Variants in ENO4 observed in about 807,000 individuals in gnomAD.
ENO4 encodes the protein enolase 4.
Under a neutral mutation model 63.2 loss-of-function variants are expected in ENO4, and 53 were observed. The ratio of observed to expected loss-of-function variants is 0.84; its 90% CI spans 0.67 to 1.05. The LOEUF is 1.05. Among genes scored for constraint, ENO4 ranks in the 50% least tolerant of loss-of-function variants. ENO4 has a pLI of 0.00. For missense variants in ENO4, 719 were observed against 772.0 expected (o/e 0.93, Z 0.81); for synonymous variants, 266 against 283.8 (o/e 0.94, Z 0.63).
intron 10 of ENO4, among the ~76,000 whole-genome samples, chr10:116,892,973 T>C (rs138272735): frequency 2.8e-4 from 42 of 152,346 alleles, no homozygotes; most frequent in African/African-American, 9.1e-4. Context: ...TTAAAAATCA[T>C]AGGTGCTTGC....
At chr10:116,902,002 G>T in intron 10 of ENO4, 1 of 1,482,964 alleles carries the variant, frequency 6.7e-7, no homozygotes, top group Non-Finnish European at 9.1e-7. Context: ...TCTGTATGAT[G>T]CTTATTAATA....
Position 116,859,037 on chromosome 10 carries a change from T to C in ENO4, c.533T>C (p.Leu178Ser), listed in dbSNP as rs759636926. 73 of 1,535,626 alleles carry C rather than the reference T, an allele frequency of 4.8e-5. No individual in the cohort carries two copies. Among genetic ancestry groups the C allele is most frequent in the Non-Finnish European group, 6.3e-5 (72 of 1,146,712 alleles). Residue 178 changes from leucine (L) to serine (S), a missense_variant, in exon 4 of 14, where the codon TTG becomes TCG. Transcript: ENST00000341276. ...CAAGAAGATAAGGGGAGAAAAGAAT[T>C]GGAAAAGAGCCTGGAATACTCAACA... ...KVQEDKGRKELEKSLEYSTVP... is the reference protein window; with the variant it reads ...KVQEDKGRKESEKSLEYSTVP...
chr10:116,853,091 C>T (rs1589746375), intron 1 of ENO4, among the ~76,000 whole-genome samples: 2 of 152,048 alleles, frequency 1.3e-5, no homozygotes, highest in East Asian at 1.9e-4. Context: ...GTCAGGAGAT[C>T]GAGACCATCC....
intron 7 of ENO4, among the ~76,000 whole-genome samples, chr10:116,867,887 C>T (rs1044803194): frequency 1.3e-5 from 2 of 152,172 alleles, no homozygotes; most frequent in African/African-American, 4.8e-5. Flanking sequence ...TATTGTCCCC[C>T]GATCACATCA....
chr10:116,903,354 G>A (rs1847823594), intron 10 of ENO4, among the ~76,000 whole-genome samples: 2 of 152,044 alleles, frequency 1.3e-5, no homozygotes, highest in Admixed American at 1.3e-4. Context: ...CCAACATGGT[G>A]AAACCCTGTC....
At chr10:116,901,269 G>A (rs1847724227) in intron 10 of ENO4, 1 of 985,180 alleles carries the variant, frequency 1.0e-6, no homozygotes, top group African/African-American at 1.7e-5. Flanking sequence ...TCTGAAGCAA[G>A]TCTATACAGA....
At chr10:116,860,293 C>T (rs1307675317) in intron 4 of ENO4, among the ~76,000 whole-genome samples, 2 of 152,158 alleles carry the variant, frequency 1.3e-5, no homozygotes, top group Non-Finnish European at 1.5e-5. Flanking sequence ...CTGAAAGGCA[C>T]TGCTAAAGAA....
chr10:116,900,299 A>G, intron 10 of ENO4: 1 of 541,752 alleles, frequency 1.8e-6, no homozygotes, highest in Non-Finnish European at 3.3e-6. Flanking sequence ...GTGTCTCTTA[A>G]GCAGTCATTG....
At chr10:116,883,576 T>C (rs1399763542), downstream of ENO4, 1 of 152,266 alleles carries the variant, frequency 6.6e-6, no homozygotes, top group Non-Finnish European at 1.5e-5. Flanking sequence ...AATCCAGACT[T>C]GAAGGCTGTG....
chr10:116,911,509 T>C, exon 11 of ENO4: 2 of 1,550,558 alleles, frequency 1.3e-6, no homozygotes, highest in Non-Finnish European at 1.7e-6. Context: ...CCACTTCATC[T>C]TCAAGCTGTG....
chr10:116,876,336 A>G (rs1846833339), intron 11 of ENO4, 76 bp downstream of exon 11: 1 of 1,148,496 alleles, frequency 8.7e-7, no homozygotes, highest in Admixed American at 3.3e-5. Context: ...AGCATATCAA[A>G]GTTACTAAAA....
chr10:116,860,240 T>C (rs1846373847), intron 4 of ENO4, among the ~76,000 whole-genome samples: 1 of 152,182 alleles, frequency 6.6e-6, no homozygotes. Context: ...TGAGAACATA[T>C]TCTAGTGAAA....
chr10:116,886,587 C>T, downstream of ENO4: 3 of 1,607,672 alleles, frequency 1.9e-6, no homozygotes, highest in Non-Finnish European at 1.7e-6. Flanking sequence ...AAGAGTTAGA[C>T]AAAAAAAGTA....
At chr10:116,854,869 A>G (rs1846208103) in intron 1 of ENO4, among the ~76,000 whole-genome samples, 1 of 134,374 alleles carries the variant, frequency 7.4e-6, no homozygotes, top group African/African-American at 2.8e-5. Flanking sequence ...TGAGCCTGGG[A>G]AGTTGAGGCT....
intron 1 of ENO4, among the ~76,000 whole-genome samples, chr10:116,855,269 GCAA>G (rs1846230954): frequency 2.0e-5 from 3 of 152,204 alleles, no homozygotes; most frequent in African/African-American, 4.8e-5. Context: ...CTCCAGCCTG[GCAA>G]CAGAGTGAGA....
At chr10:116,869,955 A>G (rs1230976437) in intron 8 of ENO4, among the ~76,000 whole-genome samples, 1 of 152,210 alleles carries the variant, frequency 6.6e-6, no homozygotes, top group Non-Finnish European at 1.5e-5. Context: ...ACTTTATGTA[A>G]TGTGCTTAGA....
rs79157175 is a variant in ENO4 at position 116,866,808 on chromosome 10, A to T, written c.991-1842A>T. 2.3e-4 allele frequency among the ~76,000 whole-genome samples: 32 copies of T among 139,468 alleles called. 1 individual carries two copies. In the South Asian group the frequency reaches 4.1e-3, roughly 18 times the overall value. The allele number at this position is 139,468 out of a possible 152,430, so 91.5% of individuals were successfully genotyped here. On this transcript the variant is annotated intron_variant, in intron 7 of 13. Coordinates refer to ENST00000341276, the MANE Select transcript of ENO4 (RefSeq NM_001242699.2). ...TGACAGAGGGAGATCCTGTCCCATT[A>T]AAAAAAAAAAAAAATCCTGTATGGG...
chr10:116,861,021 C>G (rs1221310910), intron 5 of ENO4, 38 bp from the exon 6 acceptor site: 2 of 1,541,390 alleles, frequency 1.3e-6, no homozygotes, highest in Non-Finnish European at 1.8e-6. Flanking sequence ...ATGGATGAAC[C>G]CTGTTTCTCA....
intron 9 of ENO4, among the ~76,000 whole-genome samples, chr10:116,873,607 A>G (rs1846756660): frequency 6.6e-6 from 1 of 152,242 alleles, no homozygotes; most frequent in Non-Finnish European, 1.5e-5. Context: ...TTGTTAGTAT[A>G]TCAAAAGCCT....
Sources: gnomAD v4.1 joint callset for allele counts (sites outside exome capture counted in the v4.1 genomes callset) on GRCh38, gnomAD v4.1.1 for gene constraint, MANE v1.5 for transcripts, NCBI Gene and HGNC (gene_info 2026-07-23, HGNC 2026-07-21) for gene names.